The following TNIK variants were observed in gnomAD, a reference collection of about 807,000 sequenced individuals.
TNIK encodes TRAF2 and NCK interacting kinase.
TNIK carries 49 observed loss-of-function variants against 191.3 expected under a neutral mutation model. The ratio of observed to expected loss-of-function variants is 0.26; its 90% confidence interval spans 0.20 to 0.32. TNIK has a LOEUF of 0.32. TNIK is among the 10% of genes least tolerant of loss of function. The pLI, the probability that TNIK is intolerant of heterozygous loss-of-function variation, is 1.00. For synonymous variants in TNIK, 594 were observed against 600.9 expected (o/e 0.99, Z 0.17); for missense variants, 1,155 against 1,702.3 (o/e 0.68, Z 5.66).
At chr3:171,324,694 TG>T (rs1755544736) in intron 2 of TNIK, among the ~76,000 whole-genome samples, 1 of 151,974 alleles carries the variant, frequency 6.6e-6, no homozygotes, top group Admixed American at 6.6e-5. Context: ...CTTTCGAAAA[TG>T]TCAGTTTTGT....
At chr3:171,247,971 C>T (rs1235902244) in intron 2 of TNIK, among the ~76,000 whole-genome samples, 4 of 152,118 alleles carry the variant, frequency 2.6e-5, no homozygotes, top group Non-Finnish European at 4.4e-5. Flanking sequence ...GTCCTGAGGT[C>T]TCGCTGAAGA....
At chr3:171,294,522 A>G (rs1414766320) in intron 2 of TNIK, among the ~76,000 whole-genome samples, 1 of 152,038 alleles carries the variant, frequency 6.6e-6, no homozygotes, top group East Asian at 1.9e-4. Flanking sequence ...GGAGTTTGAG[A>G]CAAGCCTGGC....
chr3:171,152,857 C>T (rs1004523688), intron 12 of TNIK, among the ~76,000 whole-genome samples: 1 of 151,746 alleles, frequency 6.6e-6, no homozygotes, highest in Non-Finnish European at 1.5e-5. Context: ...CTGCAAACTC[C>T]GCCTCCCGGG....
chr3:171,071,341 T>C lies in TNIK; in HGVS notation c.3449-18A>G, dbSNP rs1433833177. The C allele has an allele frequency of 6.6e-7, 1 of 1,524,994 alleles. No individual in the cohort carries two copies. Among genetic ancestry groups the C allele is most frequent in the Non-Finnish European group, 8.9e-7 (1 of 1,125,052 alleles). 94.5% of individuals were successfully genotyped at this position (1,524,994 alleles called of 1,614,324 possible). A position where few individuals can be genotyped will look rare whatever the true frequency, so the allele number is the denominator to read the frequency against. ...ATATTTAACTGTAATAGAAAAATTA[T>C]GAGTGAAAAAGTACATCAATTTACT... On this transcript the variant is annotated intron_variant, in intron 28 of 32. Transcript: ENST00000436636.
chr3:171,445,940 A>G (rs1727439544), intron 1 of TNIK, among the ~76,000 whole-genome samples: 7 of 152,176 alleles, frequency 4.6e-5, no homozygotes, highest in Admixed American at 4.6e-4. Context: ...TATTTATGTT[A>G]TTCGTGTTGT....
In TNIK at chr3:171,366,279, C is replaced by T. The variant is rs1465233492; in HGVS notation, c.123+3341G>A. Among the ~76,000 whole-genome samples, 1 of 152,096 alleles carries T rather than the reference C, an allele frequency of 6.6e-6. No homozygotes were observed. The highest frequency in any genetic ancestry group is 1.5e-5 in the Non-Finnish European group (1 of 68,004). The stretch of plus-strand genomic sequence containing the variant: ...CTCGGTAAATAAAGCAAAAAACAGA[C>T]ATTGAATCACTACTTGATTAGATGG... On this transcript the variant is annotated intron_variant, in intron 2 of 32. Coordinates refer to ENST00000436636, the MANE Select transcript of TNIK (RefSeq NM_015028.4). The surrounding 1 kb of genome is among the most constrained non-coding windows in gnomAD (Gnocchi z 4.1).
chr3:171,100,131 C>T (rs1442871506), intron 22 of TNIK, among the ~76,000 whole-genome samples: 2 of 152,026 alleles, frequency 1.3e-5, no homozygotes, highest in African/African-American at 2.4e-5. Flanking sequence ...AAAAGGAGTT[C>T]AAAACATCTG....
chr3:171,251,314 C>G (rs1019491571), intron 2 of TNIK, among the ~76,000 whole-genome samples: 1 of 152,128 alleles, frequency 6.6e-6, no homozygotes, highest in Non-Finnish European at 1.5e-5. Context: ...GTCAAGAGTC[C>G]TCTGGTGTGT....
At chr3:171,459,735 A>C (rs1729231854) in intron 1 of TNIK, among the ~76,000 whole-genome samples, 1 of 149,850 alleles carries the variant, frequency 6.7e-6, no homozygotes, top group Non-Finnish European at 1.5e-5. Context: ...ATGCTCTTAC[A>C]CCGGTATAAG....
chr3:171,168,770 T>C (rs974311050), intron 9 of TNIK, among the ~76,000 whole-genome samples: 1 of 152,184 alleles, frequency 6.6e-6, no homozygotes, highest in African/African-American at 2.4e-5. Flanking sequence ...TGCATATCCT[T>C]GCTTCTTCCC....
intron 29 of TNIK, among the ~76,000 whole-genome samples, chr3:171,070,620 C>T (rs1719066149): frequency 6.6e-6 from 1 of 152,116 alleles, no homozygotes; most frequent in South Asian, 2.1e-4. Flanking sequence ...ACAGGACTAG[C>T]ATATCCCCAT....
At chr3:171,180,003 T>A (rs565127691) in intron 7 of TNIK, among the ~76,000 whole-genome samples, 22 of 152,044 alleles carry the variant, frequency 1.4e-4, no homozygotes, top group South Asian at 4.2e-4. Context: ...AAGACACAAG[T>A]AAGAAGGTGG....
chr3:171,225,019 C>A (rs1742800249), intron 3 of TNIK, among the ~76,000 whole-genome samples: 1 of 152,102 alleles, frequency 6.6e-6, no homozygotes, highest in African/African-American at 2.4e-5. Context: ...TGATGTCAAG[C>A]TTATGGCTTT....
chr3:171,408,448 GC>G (rs1257984431), intron 1 of TNIK, among the ~76,000 whole-genome samples: 2 of 152,174 alleles, frequency 1.3e-5, no homozygotes, highest in African/African-American at 4.8e-5. Context: ...GGAGGAAAGG[GC>G]TATCCGATTC....
intron 2 of TNIK, among the ~76,000 whole-genome samples, chr3:171,312,140 AAGGGCTAGACTGGCATATCTGATTTT>A (rs1754102064): frequency 8.5e-6 from 1 of 117,958 alleles, no homozygotes. Context: ...AAAAAAAAAA[AAGGGCTAGACTGGCATATCTGATTTT>A]AAAAATATGT....
At chr3:171,420,147 G>A (rs542805707) in intron 1 of TNIK, among the ~76,000 whole-genome samples, 5 of 152,230 alleles carry the variant, frequency 3.3e-5, no homozygotes, top group Admixed American at 6.5e-5. Context: ...TATTTCAACC[G>A]ATGTTTCATT....
intron 2 of TNIK, among the ~76,000 whole-genome samples, chr3:171,357,271 C>T (rs1205259570): frequency 1.4e-4 from 21 of 151,810 alleles, no homozygotes; most frequent in Admixed American, 1.4e-3. Flanking sequence ...TGAGTTAGGG[C>T]ATTCCAAACT....
chr3:171,330,954 A>T (rs1205880812), intron 2 of TNIK, among the ~76,000 whole-genome samples: 33 of 152,228 alleles, frequency 2.2e-4, no homozygotes, highest in Admixed American at 2.2e-3. Flanking sequence ...GGAAAAAGAC[A>T]TGGATGGTCC....
intron 21 of TNIK, among the ~76,000 whole-genome samples, chr3:171,105,372 T>C (rs1724629624): frequency 6.6e-6 from 1 of 152,204 alleles, no homozygotes; most frequent in South Asian, 2.1e-4. Context: ...CCAGTACCAC[T>C]GCCTGCTACT....
Sources: allele counts gnomAD v4.1 joint callset (sites outside exome capture counted in the v4.1 genomes callset), GRCh38; gene constraint gnomAD v4.1.1; non-coding constraint Gnocchi (gnomAD v3.1); transcripts MANE v1.5; gene names NCBI Gene and HGNC (gene_info 2026-07-23, HGNC 2026-07-21).